The following TFDP2 variants were observed in gnomAD, a reference collection of about 807,000 sequenced individuals.
TFDP2 encodes transcription factor Dp-2.
TFDP2 carries 17 observed loss-of-function variants against 59.3 expected under a neutral mutation model. The ratio of observed to expected loss-of-function variants is 0.29; its 90% CI spans 0.20 to 0.43. The LOEUF is 0.43. Among genes scored for constraint, TFDP2 ranks in the 20% least tolerant of loss-of-function variants. The pLI, the probability that TFDP2 is intolerant of heterozygous loss-of-function variation, is 1.00. For missense variants in TFDP2, 391 were observed against 528.8 expected (o/e 0.74, Z 2.56); for synonymous variants, 180 against 194.7 (o/e 0.92, Z 0.63).
Position 141,956,692 on chromosome 3 carries a change from G to A in TFDP2, c.1051+2982C>T, listed in dbSNP as rs942329047. ...CAGTGGGAGCCAAGGCAGGTGGATC[G>A]CTTGAGCTCAGAACTTTGAGACTAG... is the stretch of plus-strand genomic sequence containing the variant. On this transcript the variant is annotated intron_variant, in intron 11 of 12. Transcript: ENST00000489671. 6.6e-5 allele frequency among the ~76,000 whole-genome samples: 10 copies of A among 151,704 alleles called. No individual in the cohort carries two copies. The East Asian group carries it at 7.7e-4, about 12-fold the overall frequency.
chr3:142,077,295 G>A (rs2060490653), intron 3 of TFDP2, among the ~76,000 whole-genome samples: 1 of 152,138 alleles, frequency 6.6e-6, no homozygotes. Flanking sequence ...GTGCTGTGCT[G>A]GGCTCAGAGC....
At chr3:142,142,364 C>T (rs532701294) in intron 1 of TFDP2, among the ~76,000 whole-genome samples, 1 of 152,208 alleles carries the variant, frequency 6.6e-6, no homozygotes, top group South Asian at 2.1e-4. Context: ...AACAGCCACA[C>T]ATAAAATTGA....
intron 8 of TFDP2, among the ~76,000 whole-genome samples, chr3:141,971,892 T>C (rs11569239): frequency 0.079 from 11,961 of 152,266 alleles, 640 homozygotes; most frequent in African/African-American, 0.15. Flanking sequence ...CTGCTCAGCT[T>C]ATAGGAATAC....
In TFDP2 at chr3:141,949,522, G is replaced by A. The variant is rs572374730; in HGVS notation, c.*2991C>T. ...GAAGGCAGCCTAGTAGGCACCTGGG[G>A]CCCGTAAGCGCTGCTGTGTGCCTAG... On this transcript the variant is annotated 3_prime_UTR_variant, in exon 13 of 13. Coordinates refer to ENST00000489671, the MANE Select transcript of TFDP2 (RefSeq NM_001178139.2). 2 of 152,446 alleles carry A rather than the reference G, an allele frequency of 1.3e-5. No individual in the cohort carries two copies. Among genetic ancestry groups the A allele is most frequent in the Non-Finnish European group, 2.9e-5 (2 of 68,236 alleles). The allele number at this position is 152,446 out of a possible 1,614,324, so 9.4% of individuals were successfully genotyped here. A position where few individuals can be genotyped will look rare whatever the true frequency, so the allele number is the denominator to read the frequency against.
At chr3:142,117,544 G>C (rs2061888932) in intron 1 of TFDP2, among the ~76,000 whole-genome samples, 1 of 152,124 alleles carries the variant, frequency 6.6e-6, no homozygotes, top group African/African-American at 2.4e-5. Flanking sequence ...GAGGGGCAAA[G>C]GGGATTTGCA....
chr3:141,968,970 TC>T (rs1361137997), intron 9 of TFDP2, among the ~76,000 whole-genome samples: 2 of 102,886 alleles, frequency 1.9e-5, no homozygotes, highest in African/African-American at 7.6e-5. Context: ...CATATATATC[TC>T]ATATATATAG....
intron 6 of TFDP2, among the ~76,000 whole-genome samples, chr3:141,989,737 T>C (rs1942536950): frequency 6.6e-6 from 1 of 152,180 alleles, no homozygotes; most frequent in African/African-American, 2.4e-5. Context: ...GGCTACCATT[T>C]CTGATGCTGA....
intron 1 of TFDP2, among the ~76,000 whole-genome samples, chr3:142,107,419 A>C (rs1453214203): frequency 6.6e-6 from 1 of 151,796 alleles, no homozygotes; most frequent in Non-Finnish European, 1.5e-5. Flanking sequence ...TTTTTAGTAG[A>C]GACGGGGTTT....
chr3:142,004,628 A>C (rs1373649820), intron 4 of TFDP2, among the ~76,000 whole-genome samples: 2 of 152,190 alleles, frequency 1.3e-5, no homozygotes, highest in African/African-American at 4.8e-5. Flanking sequence ...TCCATTTTTC[A>C]TTCATTATTT....
chr3:142,051,471 G>A (rs910909031), intron 3 of TFDP2, among the ~76,000 whole-genome samples: 4 of 151,094 alleles, frequency 2.6e-5, no homozygotes, highest in South Asian at 2.1e-4. Context: ...CCTGGGAGGC[G>A]GAGGTTGCAC....
rs1259814558 is a variant in TFDP2 at position 141,969,105 on chromosome 3, T to C, written c.732+968A>G. On this transcript the variant is annotated intron_variant, in intron 9 of 12. Coordinates refer to ENST00000489671, the MANE Select transcript of TFDP2 (RefSeq NM_001178139.2). The stretch of plus-strand genomic sequence containing the variant: ...TATATATATAACATATATATATATC[T>C]CATATATATGAGATATATATATAAC... Among the ~76,000 whole-genome samples the C allele has an allele frequency of 5.7e-5, 4 of 70,122 alleles. 1 individual carries two copies. The highest frequency in any genetic ancestry group is 1.1e-4 in the Non-Finnish European group (4 of 36,984). The allele number at this position is 70,122 out of a possible 152,430, so 46.0% of individuals were successfully genotyped here. A position where few individuals can be genotyped will look rare whatever the true frequency, so the allele number is the denominator to read the frequency against.
intron 3 of TFDP2, among the ~76,000 whole-genome samples, chr3:142,066,979 A>G (rs1027797671): frequency 6.6e-6 from 1 of 152,192 alleles, no homozygotes; most frequent in Non-Finnish European, 1.5e-5. Context: ...ATTCCCAGAA[A>G]ACCAAGAACA....
At chr3:142,017,591 C>T (rs928677070) in intron 3 of TFDP2, among the ~76,000 whole-genome samples, 2 of 136,432 alleles carry the variant, frequency 1.5e-5, no homozygotes, top group African/African-American at 2.6e-5. Flanking sequence ...CTCGCTCTGT[C>T]GCCTAGGCTG....
intron 3 of TFDP2, among the ~76,000 whole-genome samples, 193 bp downstream of exon 3, chr3:142,092,868 A>T (rs774557071): frequency 4.6e-5 from 7 of 152,206 alleles, no homozygotes; most frequent in Non-Finnish European, 1.0e-4. Flanking sequence ...TAGGAAAGAG[A>T]AAAATCACAC....
chr3:142,066,608 G>A (rs1373269952), intron 3 of TFDP2, among the ~76,000 whole-genome samples: 4 of 152,052 alleles, frequency 2.6e-5, no homozygotes, highest in Non-Finnish European at 5.9e-5. Flanking sequence ...TGTCACTTTC[G>A]CACCATCATA....
intron 1 of TFDP2, among the ~76,000 whole-genome samples, chr3:142,106,961 G>C (rs1005940268): frequency 1.8e-4 from 28 of 152,260 alleles, no homozygotes; most frequent in African/African-American, 6.7e-4. Flanking sequence ...AGGATGTGTA[G>C]ACTTTCTAAC....
chr3:141,974,606 G>C (rs143583722), intron 7 of TFDP2, among the ~76,000 whole-genome samples: 1 of 152,218 alleles, frequency 6.6e-6, no homozygotes, highest in Admixed American at 6.5e-5. Context: ...ATGCCTTATG[G>C]AGTCTAGAAT....
chr3:142,018,977 C>T (rs369407814), intron 3 of TFDP2, among the ~76,000 whole-genome samples: 1 of 118,446 alleles, frequency 8.4e-6, no homozygotes, highest in South Asian at 2.8e-4. Context: ...TGAAGAAATA[C>T]GTTTATTCTA....
At position 141,990,557 on chromosome 3, in the gene TFDP2, G is replaced by A. The variant is rs1427616584; in HGVS notation, c.356+2981C>T. Among the ~76,000 whole-genome samples, 4 of 152,060 alleles carry A rather than the reference G, an allele frequency of 2.6e-5. No homozygotes were observed. The East Asian group carries it at 7.7e-4, about 29-fold the overall frequency. On this transcript the variant is annotated intron_variant, in intron 6 of 12. Transcript: ENST00000489671. ...TCTGTGGTTTTATTTTCTTATTTAG[G>A]TTTTAGCTTCTTAATTTAGTTCCTT...
Sources: gnomAD v4.1 joint callset for allele counts (sites outside exome capture counted in the v4.1 genomes callset) on GRCh38, gnomAD v4.1.1 for gene constraint, MANE v1.5 for transcripts, NCBI Gene and HGNC (gene_info 2026-07-23, HGNC 2026-07-21) for gene names.